The following COL20A1 variants were observed in gnomAD, a reference collection of about 807,000 sequenced individuals.
The protein encoded by COL20A1 is collagen type XX alpha 1 chain.
In COL20A1, 164 loss-of-function variants were observed where a neutral mutation model predicts 152.9. The ratio of observed to expected loss-of-function variants is 1.07; its 90% CI spans 0.94 to 1.22. The LOEUF is 1.22. COL20A1 is among the 50% of genes most tolerant of loss of function. COL20A1 has a pLI of 0.00. For synonymous variants in COL20A1, 864 were observed against 756.0 expected, an observed-to-expected ratio of 1.14 and a Z score of -2.34; for missense variants, 1,873 against 1,744.8, an observed-to-expected ratio of 1.07 and a Z score of -1.31.
intron 3 of COL20A1, among the ~76,000 whole-genome samples, chr20:63,301,567 C>T (rs1246006783): frequency 6.6e-6 from 1 of 152,134 alleles, no homozygotes; most frequent in South Asian, 2.1e-4. Flanking sequence ...TCTTACTGTT[C>T]TTTGCTTTAT....
chr20:63,300,503 G>GT (rs1401861756), intron 3 of COL20A1, among the ~76,000 whole-genome samples: 1 of 152,116 alleles, frequency 6.6e-6, no homozygotes, highest in Non-Finnish European at 1.5e-5. Flanking sequence ...TTGGCATAAT[G>GT]TTTTTCATAT....
In COL20A1 at chr20:63,305,956, C is replaced by T. The variant is rs1252186880; in HGVS notation, c.413C>T (p.Pro138Leu). Residue 138 changes from proline to leucine, a missense_variant, in exon 5 of 36, where the codon CCC becomes CTC. Physicochemically the swap from Pro to Leu is moderately conservative, Grantham distance 98 (BLOSUM62 -3). Coordinates refer to ENST00000358894, the MANE Select transcript of COL20A1 (RefSeq NM_020882.4). The surrounding 1 kb of genome is among the most constrained non-coding windows in gnomAD (Gnocchi z 4.9). Reference protein sequence around the residue: ...PLGSGAPEPTPSHTGSPDPEQ... With the variant: ...PLGSGAPEPTLSHTGSPDPEQ... ...GGCTCTGGAGCCCCGGAGCCCACCC[C>T]CTCCCACACGGGGAGCCCAGACCCT... is the stretch of plus-strand genomic sequence containing the variant. 3.1e-6 allele frequency: 5 copies of T among 1,612,734 alleles called. No homozygotes were observed. Among genetic ancestry groups the T allele is most frequent in the South Asian group, 1.1e-5 (1 of 91,062 alleles).
In COL20A1 at chr20:63,319,410, G is replaced by A. The variant is rs1205859120; in HGVS notation, c.2807-77G>A. 9.0e-6 allele frequency: 11 copies of A among 1,226,280 alleles called. No individual in the cohort carries two copies. Among genetic ancestry groups the A allele is most frequent in the South Asian group, 2.8e-5 (2 of 72,278 alleles). The allele number at this position is 1,226,280 out of a possible 1,614,324, so 76.0% of individuals were successfully genotyped here. A position where few individuals can be genotyped will look rare whatever the true frequency, so the allele number is the denominator to read the frequency against. On this transcript the variant is annotated intron_variant, in intron 22 of 35. Transcript: ENST00000358894. This position sits in a 1 kb window ranked among gnomAD's most constrained non-coding sequence, Gnocchi z 4.4. ...CCCTCAGGGCTGCTCCTGTCCTGTC[G>A]TGGGGGCCGCCCTGCTCAAGGTATA...
chr20:63,295,029 C>G (rs2067768621), intron 1 of COL20A1, 69 bp from the exon 2 acceptor site: 3 of 1,001,414 alleles, frequency 3.0e-6, no homozygotes, highest in African/African-American at 3.2e-5. Flanking sequence ...TGGAGAAGCT[C>G]TGGCGTTGTG....
Position 63,311,660 on chromosome 20 carries a change from C to T in COL20A1, c.1575C>T (p.Gly525=). The stretch of plus-strand genomic sequence containing the variant: ...GGCGGCCCGAGGTGCTGCTGGATGG[C>T]CTGGAACCTGGCAGGGACTATGAGG... ...QVGRPEVLLD[G]LEPGRDYEVS... is the part of the protein sequence containing the mutation. The change falls in exon 13 of 36, where the codon GGC becomes GGT. Residue 525 remains glycine, a synonymous_variant. Transcript: ENST00000358894. This position sits in a 1 kb window ranked among gnomAD's most constrained non-coding sequence, Gnocchi z 4.4. The T allele has an allele frequency of 6.2e-7, 1 of 1,609,268 alleles. No homozygotes were observed. The highest frequency in any genetic ancestry group is 8.5e-7 in the Non-Finnish European group (1 of 1,179,502).
At position 63,316,659 on chromosome 20, in the gene COL20A1, C is replaced by G. The variant is rs746864149; in HGVS notation, c.2631C>G (p.Leu877=). 2 of 1,574,416 alleles carry G rather than the reference C, an allele frequency of 1.3e-6. No homozygotes were observed. Among genetic ancestry groups the G allele is most frequent in the Non-Finnish European group, 1.7e-6 (2 of 1,160,720 alleles). Residue 877 remains leucine, a synonymous_variant, in exon 21 of 36, where the codon CTC becomes CTG. Coordinates refer to ENST00000358894, the MANE Select transcript of COL20A1 (RefSeq NM_020882.4). ...TCGGTGGGACCCCGACCTTCACGCTCTTCAAGGACGCCCAGCTGACAAGAC... is the reference window on the plus strand; with the variant it reads ...TCGGTGGGACCCCGACCTTCACGCTGTTCAAGGACGCCCAGCTGACAAGAC... ...SAFGGTPTFT[L]FKDAQLTRRV...
At position 63,306,793 on chromosome 20, in the gene COL20A1, T is replaced by A. The variant is rs2067931441; in HGVS notation, c.497-697T>A. 6.6e-6 allele frequency among the ~76,000 whole-genome samples: 1 copy of A among 152,174 alleles called. No individual in the cohort carries two copies. The highest frequency in any genetic ancestry group is 2.1e-4 in the South Asian group (1 of 4,832). On this transcript the variant is annotated intron_variant, in intron 5 of 35. Transcript: ENST00000358894. The surrounding 1 kb of genome is among the most constrained non-coding windows in gnomAD (Gnocchi z 6.9). ...CAGAAGCAGGATTCTACCTCCCCCG[T>A]CAGACTTGGAACTGAAGGAAGTGTT... is the stretch of plus-strand genomic sequence containing the variant.
intron 3 of COL20A1, among the ~76,000 whole-genome samples, chr20:63,302,357 G>A (rs1329929856): frequency 6.6e-6 from 1 of 152,148 alleles, no homozygotes; most frequent in Non-Finnish European, 1.5e-5. Context: ...ATCTCACTCT[G>A]TCACTCAGGC....
chr20:63,310,259 T>C (rs1242913901), intron 10 of COL20A1, 122 bp from the exon 11 acceptor site: 2 of 1,072,948 alleles, frequency 1.9e-6, no homozygotes, highest in Non-Finnish European at 2.7e-6. Context: ...CCCAGGCCTG[T>C]GGGAAGTGGG....
chr20:63,314,665 G>T (rs2068060823), intron 19 of COL20A1, among the ~76,000 whole-genome samples: 1 of 152,122 alleles, frequency 6.6e-6, no homozygotes, highest in Non-Finnish European at 1.5e-5. Flanking sequence ...GGGGAGAGCT[G>T]CTCCTCCCAT....
chr20:63,314,817 G>C (rs918497388), intron 19 of COL20A1, among the ~76,000 whole-genome samples: 2 of 147,198 alleles, frequency 1.4e-5, no homozygotes, highest in Non-Finnish European at 3.0e-5. Context: ...CCCAGGACAC[G>C]CGTGCCCCCA....
At chr20:63,299,916 G>A (rs963423637) in intron 3 of COL20A1, among the ~76,000 whole-genome samples, 1 of 150,660 alleles carries the variant, frequency 6.6e-6, no homozygotes, top group African/African-American at 2.4e-5. Flanking sequence ...ATATATATAT[G>A]TATACCTTAA....
In COL20A1 at chr20:63,296,942, C is replaced by T. The variant is rs79622995; in HGVS notation, c.83-968C>T. ...AAAAATAGCTGCCCCTACTGCAGAGCCCCGGAAGCTTTCAGGGGGCACCAA... is the reference window on the plus strand; with the variant it reads ...AAAAATAGCTGCCCCTACTGCAGAGTCCCGGAAGCTTTCAGGGGGCACCAA... On this transcript the variant is annotated intron_variant, in intron 2 of 35. Transcript: ENST00000358894. Among the ~76,000 whole-genome samples the T allele has an allele frequency of 1.2e-4, 19 of 152,306 alleles. No individual in the cohort carries two copies. The East Asian group carries it at 3.7e-3, about 29-fold the overall frequency.
intron 7 of COL20A1, among the ~76,000 whole-genome samples, chr20:63,308,340 G>A (rs1025517598): frequency 2.0e-5 from 3 of 152,258 alleles, no homozygotes; most frequent in African/African-American, 7.2e-5. Context: ...CAGTCTGGGT[G>A]CTCACCTTGC....
At chr20:63,299,419 G>T (rs1343788700) in intron 3 of COL20A1, among the ~76,000 whole-genome samples, 1 of 152,206 alleles carries the variant, frequency 6.6e-6, no homozygotes, top group East Asian at 1.9e-4. Context: ...GAGCTACTCT[G>T]GTGGGTGTTC....
rs1198731448 is a variant in COL20A1 at position 63,306,212 on chromosome 20, C to T, written c.496+173C>T. On this transcript the variant is annotated intron_variant, in intron 5 of 35. Transcript: ENST00000358894. This position sits in a 1 kb window ranked among gnomAD's most constrained non-coding sequence, Gnocchi z 6.9. ...ACCACACGGTCTCTGACCACGAGGC[C>T]GGGAAGTTCTTCCTCGTGTCTGACC... Among the ~76,000 whole-genome samples the T allele has an allele frequency of 3.6e-5, 5 of 140,082 alleles. No individual in the cohort carries two copies. The highest frequency in any genetic ancestry group is 8.1e-5 in the African/African-American group (3 of 37,202). 91.9% of individuals were successfully genotyped at this position (140,082 alleles called of 152,430 possible). A position where few individuals can be genotyped will look rare whatever the true frequency, so the allele number is the denominator to read the frequency against.
intron 11 of COL20A1, 24 bp downstream of exon 11, chr20:63,310,534 C>T (rs1282182631): frequency 6.4e-7 from 1 of 1,563,466 alleles, no homozygotes; most frequent in East Asian, 2.4e-5. Flanking sequence ...AGGCAGCGGC[C>T]AGGTTCTGGG....
At chr20:63,294,399 C>T (rs1447962839) in intron 1 of COL20A1, among the ~76,000 whole-genome samples, 2 of 151,710 alleles carry the variant, frequency 1.3e-5, no homozygotes, top group African/African-American at 4.8e-5. Flanking sequence ...CTCAGAGCAC[C>T]CCAAATCCAA....
Position 63,329,672 on chromosome 20 carries a change from G to C in COL20A1, c.*3+11G>C. On this transcript the variant is annotated intron_variant, in intron 35 of 35. Coordinates refer to ENST00000358894, the MANE Select transcript of COL20A1 (RefSeq NM_020882.4). The stretch of plus-strand genomic sequence containing the variant: ...CTCTGGGAGTGACAGGTGAGCCCCT[G>C]CTGCCTGCATCTATCTGCCAAGGCT... 2 of 1,557,558 alleles carry C rather than the reference G, an allele frequency of 1.3e-6. No homozygotes were observed. The highest frequency in any genetic ancestry group is 1.7e-6 in the Non-Finnish European group (2 of 1,156,516).
Sources: allele counts gnomAD v4.1 joint callset (sites outside exome capture counted in the v4.1 genomes callset), GRCh38; gene constraint gnomAD v4.1.1; non-coding constraint Gnocchi (gnomAD v3.1); transcripts MANE v1.5; gene names NCBI Gene and HGNC (gene_info 2026-07-23, HGNC 2026-07-21).